KHDRBS3: variants seen among roughly 807,000 people sequenced by gnomAD.
KHDRBS3 encodes the protein KH RNA binding domain containing, signal transduction associated 3.
KHDRBS3 carries 23 observed loss-of-function variants against 45.6 expected under a neutral mutation model. That is an observed-to-expected ratio of 0.50 (90% CI 0.36 to 0.72). The LOEUF (loss-of-function observed/expected upper bound fraction) is 0.72, where lower values mean the gene tolerates loss of function less well. KHDRBS3 is among the 30% of genes least tolerant of loss of function. KHDRBS3 has a pLI of 0.00. For synonymous variants in KHDRBS3, 162 were observed against 156.5 expected (o/e 1.04, Z -0.26); for missense variants, 352 against 424.8 (o/e 0.83, Z 1.51).
intron 1 of KHDRBS3, among the ~76,000 whole-genome samples, chr8:135,509,968 C>T (rs1304268585): frequency 4.1e-5 from 6 of 148,040 alleles, no homozygotes; most frequent in Admixed American, 4.0e-4. Context: ...TTTTCTTTCC[C>T]CCCCCCTTTT....
In KHDRBS3 at chr8:135,647,219, A is replaced by T; in HGVS notation, c.*135A>T. On this transcript the variant is annotated 3_prime_UTR_variant, in exon 9 of 9. Coordinates refer to ENST00000355849, the MANE Select transcript of KHDRBS3 (RefSeq NM_006558.3). ...ATCTGAATGGATGGAACTTAAAACT[A>T]CTTTGTTGAAACATCAACCTGGGCA... The T allele has an allele frequency of 3.0e-6, 1 of 333,556 alleles. No homozygotes were observed. 20.7% of individuals were successfully genotyped at this position (333,556 alleles called of 1,614,324 possible).
At chr8:135,553,746 TG>T (rs1826733259) in intron 4 of KHDRBS3, among the ~76,000 whole-genome samples, 1 of 152,184 alleles carries the variant, frequency 6.6e-6, no homozygotes, top group African/African-American at 2.4e-5. Context: ...AACATACATT[TG>T]AATAGATTGT....
At chr8:135,485,542 C>T (rs111482986) in intron 1 of KHDRBS3, among the ~76,000 whole-genome samples, 19 of 152,040 alleles carry the variant, frequency 1.2e-4, no homozygotes, top group African/African-American at 3.9e-4. Context: ...TTCATTTTTC[C>T]ATTTGATTAC....
chr8:135,524,550 T>C (rs1825081760), intron 2 of KHDRBS3, among the ~76,000 whole-genome samples: 2 of 152,198 alleles, frequency 1.3e-5, no homozygotes, highest in South Asian at 2.1e-4. Context: ...CGTGAAAATT[T>C]GTTTTTAAAA....
chr8:135,521,153 T>C (rs1824884556), intron 1 of KHDRBS3, 84 bp from the exon 2 acceptor site: 1 of 758,912 alleles, frequency 1.3e-6, no homozygotes, highest in African/African-American at 1.8e-5. Context: ...GTAGTTGATT[T>C]CATGCCACTA....
chr8:135,511,827 G>A (rs1824303797), intron 1 of KHDRBS3, among the ~76,000 whole-genome samples: 1 of 152,134 alleles, frequency 6.6e-6, no homozygotes, highest in South Asian at 2.1e-4. Context: ...CAAAGTGCTA[G>A]GATTACAGGC....
At chr8:135,512,303 G>T (rs1824328215) in intron 1 of KHDRBS3, among the ~76,000 whole-genome samples, 1 of 151,496 alleles carries the variant, frequency 6.6e-6, no homozygotes, top group African/African-American at 2.4e-5. Flanking sequence ...CTGGACTGTT[G>T]TACTATTTTG....
chr8:135,459,353 T>G (rs1821307365), intron 1 of KHDRBS3, among the ~76,000 whole-genome samples: 1 of 152,244 alleles, frequency 6.6e-6, no homozygotes, highest in Non-Finnish European at 1.5e-5. Context: ...GCTCCCTCAT[T>G]TTATTTTAAT....
intron 6 of KHDRBS3, among the ~76,000 whole-genome samples, chr8:135,592,600 A>G (rs926657397): frequency 2.0e-5 from 3 of 152,224 alleles, no homozygotes; most frequent in African/African-American, 7.2e-5. Flanking sequence ...GAGTCTAAGA[A>G]GGAACATAAT....
chr8:135,650,651 T>G (rs1160422478), downstream of KHDRBS3, among the ~76,000 whole-genome samples: 1 of 152,216 alleles, frequency 6.6e-6, no homozygotes, highest in Non-Finnish European at 1.5e-5. Flanking sequence ...CTTAACCATG[T>G]TGTTATACTG....
intron 2 of KHDRBS3, chr8:135,541,511 A>G (rs1187440551): frequency 6.6e-6 from 1 of 152,236 alleles, no homozygotes; most frequent in Non-Finnish European, 1.5e-5. Flanking sequence ...GTTGGAAGGA[A>G]AAAATACCAC....
At chr8:135,602,566 T>G (rs1829263666) in intron 6 of KHDRBS3, among the ~76,000 whole-genome samples, 1 of 137,156 alleles carries the variant, frequency 7.3e-6, no homozygotes, top group Admixed American at 7.9e-5. Context: ...GTATACTGCT[T>G]AATATTTTAG....
intron 5 of KHDRBS3, among the ~76,000 whole-genome samples, chr8:135,564,072 G>A (rs1827288923): frequency 1.3e-5 from 2 of 152,136 alleles, no homozygotes; most frequent in Non-Finnish European, 2.9e-5. Context: ...TCGAATCAGG[G>A]AAATTTTCAG....
At chr8:135,646,120 A>G (rs1202152373) in intron 8 of KHDRBS3, among the ~76,000 whole-genome samples, 2 of 145,962 alleles carry the variant, frequency 1.4e-5, no homozygotes, top group South Asian at 2.2e-4. Flanking sequence ...CGTTGATTGC[A>G]TGTTTTGTAT....
chr8:135,615,834 T>G (rs1326384234), intron 7 of KHDRBS3, among the ~76,000 whole-genome samples: 1 of 152,170 alleles, frequency 6.6e-6, no homozygotes, highest in African/African-American at 2.4e-5. Context: ...AATGCTGCAC[T>G]GAGCATTTGT....
At chr8:135,637,900 G>C (rs1248846299) in intron 7 of KHDRBS3, among the ~76,000 whole-genome samples, 1 of 152,150 alleles carries the variant, frequency 6.6e-6, no homozygotes, top group Non-Finnish European at 1.5e-5. Flanking sequence ...GGACTTTTAA[G>C]AAACAGTAGT....
intron 1 of KHDRBS3, among the ~76,000 whole-genome samples, chr8:135,510,923 A>G (rs2130579379): frequency 6.6e-6 from 1 of 152,294 alleles, no homozygotes; most frequent in Middle Eastern, 3.4e-3. Flanking sequence ...CACCTTTTTT[A>G]ACAGTATAAA....
intron 5 of KHDRBS3, among the ~76,000 whole-genome samples, chr8:135,571,273 G>A (rs1482557333): frequency 6.6e-6 from 1 of 152,126 alleles, no homozygotes; most frequent in Non-Finnish European, 1.5e-5. Flanking sequence ...AGACAGTTTA[G>A]GGCAAAAGGA....
intron 1 of KHDRBS3, 47 bp from the exon 2 acceptor site, chr8:135,521,189 CT>C (rs1188795683): frequency 8.8e-7 from 1 of 1,141,582 alleles, no homozygotes; most frequent in African/African-American, 1.5e-5. Flanking sequence ...CACCCAGCCC[CT>C]GCATTTCTGA....
Sources: gnomAD v4.1 joint callset for allele counts (sites outside exome capture counted in the v4.1 genomes callset) on GRCh38, gnomAD v4.1.1 for gene constraint, MANE v1.5 for transcripts, NCBI Gene and HGNC (gene_info 2026-07-23, HGNC 2026-07-21) for gene names.